The following SH3GL2 variants were observed in gnomAD, a reference collection of about 807,000 sequenced individuals.
The protein encoded by SH3GL2 is endophilin-A1.
A neutral mutation model predicts 46.0 loss-of-function variants in SH3GL2; 24 were observed. That is an observed-to-expected ratio of 0.52 (90% confidence interval 0.38 to 0.73). The LOEUF (loss-of-function observed/expected upper bound fraction) is 0.73, where lower values mean the gene tolerates loss of function less well. Ranked by LOEUF, SH3GL2 falls within the 30% of genes least tolerant of loss-of-function variation. The pLI is 0.00. For missense variants in SH3GL2, 413 were observed against 424.2 expected, an observed-to-expected ratio of 0.97 and a Z score of 0.23; for synonymous variants, 196 against 147.1, an observed-to-expected ratio of 1.33 and a Z score of -2.40.
intron 1 of SH3GL2, among the ~76,000 whole-genome samples, chr9:17,593,525 G>A (rs1317587039): frequency 6.6e-6 from 1 of 152,136 alleles, no homozygotes; most frequent in African/African-American, 2.4e-5. Flanking sequence ...GAGAAACTGT[G>A]TTTGTTTTTT....
At chr9:17,743,569 A>AACACAC (rs58408701) in intron 1 of SH3GL2, among the ~76,000 whole-genome samples, 1,807 of 143,670 alleles carry the variant, frequency 0.013, 30 homozygotes, top group African/African-American at 0.036. Flanking sequence ...CTCTTTTGTG[A>AACACAC]ACACACACAC....
intron 1 of SH3GL2, among the ~76,000 whole-genome samples, chr9:17,701,891 C>G (rs1536072): frequency 0.2 from 31,022 of 151,780 alleles, 3,933 homozygotes; most frequent in East Asian, 0.4. Context: ...CTAAGTTAAA[C>G]TGTAAATGTA....
At chr9:17,592,924 A>G (rs2134550089) in intron 1 of SH3GL2, among the ~76,000 whole-genome samples, 1 of 152,256 alleles carries the variant, frequency 6.6e-6, no homozygotes, top group South Asian at 2.1e-4. Context: ...GTGAAGGTTA[A>G]GTGGATCACC....
intron 3 of SH3GL2, among the ~76,000 whole-genome samples, chr9:17,772,876 G>A (rs969831846): frequency 6.6e-6 from 1 of 152,132 alleles, no homozygotes; most frequent in Non-Finnish European, 1.5e-5. Flanking sequence ...GGAATTGCTG[G>A]AACTTAAGGG....
intron 1 of SH3GL2, among the ~76,000 whole-genome samples, chr9:17,595,910 AAC>A (rs1459071614): frequency 6.6e-6 from 1 of 152,086 alleles, no homozygotes; most frequent in Admixed American, 6.6e-5. Context: ...TGAACATTTG[AAC>A]AGTGATTATT....
At chr9:17,629,123 G>T (rs1563789239) in intron 1 of SH3GL2, among the ~76,000 whole-genome samples, 1 of 152,076 alleles carries the variant, frequency 6.6e-6, no homozygotes. Context: ...TTGGTTGGCT[G>T]GGAGGCAGGA....
chr9:17,715,957 G>C (rs137870759), intron 1 of SH3GL2, among the ~76,000 whole-genome samples: 9 of 152,148 alleles, frequency 5.9e-5, no homozygotes, highest in African/African-American at 2.2e-4. Context: ...GATTGGTTGT[G>C]TGGGTGTTCA....
intron 1 of SH3GL2, among the ~76,000 whole-genome samples, chr9:17,621,507 T>G (rs921689792): frequency 3.3e-5 from 5 of 152,264 alleles, no homozygotes; most frequent in Admixed American, 3.3e-4. Context: ...TTTATTTTAT[T>G]GGAATCAATG....
intron 1 of SH3GL2, among the ~76,000 whole-genome samples, chr9:17,596,075 T>C (rs1818565420): frequency 6.6e-6 from 1 of 152,150 alleles, no homozygotes; most frequent in Non-Finnish European, 1.5e-5. Context: ...ATCGAATAAT[T>C]TTAGGAGCCA....
chr9:17,676,904 C>T (rs1424164822), intron 1 of SH3GL2, among the ~76,000 whole-genome samples: 1 of 152,170 alleles, frequency 6.6e-6, no homozygotes, highest in Non-Finnish European at 1.5e-5. Flanking sequence ...ATACTGCTTT[C>T]TACCCTCTTA....
At chr9:17,648,888 C>G (rs1375200831) in intron 1 of SH3GL2, among the ~76,000 whole-genome samples, 1 of 152,200 alleles carries the variant, frequency 6.6e-6, no homozygotes, top group Non-Finnish European at 1.5e-5. Flanking sequence ...GTAGACTACT[C>G]ATCATATCAA....
intron 3 of SH3GL2, among the ~76,000 whole-genome samples, chr9:17,776,721 A>G (rs1823650459): frequency 6.6e-6 from 1 of 150,648 alleles, no homozygotes; most frequent in South Asian, 2.1e-4. Flanking sequence ...GCCACCACAG[A>G]TGAGAATTGA....
intron 1 of SH3GL2, among the ~76,000 whole-genome samples, chr9:17,617,808 A>G (rs554796051): frequency 2.6e-5 from 4 of 152,280 alleles, no homozygotes; most frequent in South Asian, 4.2e-4. Flanking sequence ...AAAGTGAGAA[A>G]TAGCGTATTT....
intron 1 of SH3GL2, among the ~76,000 whole-genome samples, chr9:17,663,693 G>C (rs927980065): frequency 4.6e-5 from 7 of 152,118 alleles, no homozygotes; most frequent in African/African-American, 1.7e-4. Flanking sequence ...ATTTACTGAG[G>C]AACAATTTAA....
Position 17,787,533 on chromosome 9 carries a change from T to G in SH3GL2, c.465+20T>G. ...ATTCAAGTATGTACAATGAGTCTTC[T>G]GGAAAGTGGGCAGTTGAAATCATAC... On this transcript the variant is annotated intron_variant, in intron 5 of 8. Coordinates refer to ENST00000380607, the MANE Select transcript of SH3GL2 (RefSeq NM_003026.5). The G allele has an allele frequency of 6.2e-7, 1 of 1,605,660 alleles. No homozygotes were observed. Among genetic ancestry groups the G allele is most frequent in the Non-Finnish European group, 8.5e-7 (1 of 1,174,288 alleles).
chr9:17,684,476 C>G (rs887635363), intron 1 of SH3GL2, among the ~76,000 whole-genome samples: 1 of 151,942 alleles, frequency 6.6e-6, no homozygotes, highest in African/African-American at 2.4e-5. Flanking sequence ...ATCAAAAGTT[C>G]CAGTGTATAT....
At chr9:17,599,197 G>A (rs563845046) in intron 1 of SH3GL2, among the ~76,000 whole-genome samples, 1 of 152,156 alleles carries the variant, frequency 6.6e-6, no homozygotes, top group South Asian at 2.1e-4. Context: ...AAGAAAATAT[G>A]GTTTCTTTTG....
In SH3GL2 at chr9:17,579,124, T is replaced by C. The variant is rs530163927; in HGVS notation, c.-119T>C. ...GCTAGGCTCCGCGCCCTCGCGCCCATAGCCCCGGCGGCGGCACGACCAGAG... is the reference window on the plus strand; with the variant it reads ...GCTAGGCTCCGCGCCCTCGCGCCCACAGCCCCGGCGGCGGCACGACCAGAG... On this transcript the variant is annotated 5_prime_UTR_variant, in exon 1 of 9. Coordinates refer to ENST00000380607, the MANE Select transcript of SH3GL2 (RefSeq NM_003026.5). The C allele has an allele frequency of 6.6e-6, 4 of 602,812 alleles. No homozygotes were observed. Among genetic ancestry groups the C allele is most frequent in the Admixed American group, 4.4e-5 (1 of 22,860 alleles). The allele number at this position is 602,812 out of a possible 1,614,324, so 37.3% of individuals were successfully genotyped here.
chr9:17,587,417 A>G (rs919079077), intron 1 of SH3GL2, among the ~76,000 whole-genome samples: 1 of 152,010 alleles, frequency 6.6e-6, no homozygotes, highest in Non-Finnish European at 1.5e-5. Flanking sequence ...GTTCTTTCTT[A>G]TATATATTTG....
Sources: gnomAD v4.1 joint callset for allele counts (sites outside exome capture counted in the v4.1 genomes callset) on GRCh38, gnomAD v4.1.1 for gene constraint, MANE v1.5 for transcripts, NCBI Gene and HGNC (gene_info 2026-07-23, HGNC 2026-07-21) for gene names.